The following CES5A variants were observed in gnomAD, a reference collection of about 807,000 sequenced individuals.
CES5A encodes carboxylesterase 5.
In CES5A, 67 loss-of-function variants were observed where a neutral mutation model predicts 62.9. That is an observed-to-expected ratio of 1.07 (90% confidence interval 0.88 to 1.31). CES5A has a LOEUF of 1.31. Among genes scored for constraint, CES5A ranks in the 50% most tolerant of loss-of-function variants. CES5A has a pLI of 0.00. For missense variants in CES5A, 748 were observed against 708.5 expected (o/e 1.06, Z -0.63); for synonymous variants, 296 against 280.8 (o/e 1.05, Z -0.54).
At chr16:55,929,229 C>T (rs1014265659), upstream of CES5A, among the ~76,000 whole-genome samples, 8 of 152,210 alleles carry the variant, frequency 5.3e-5, no homozygotes, top group African/African-American at 1.9e-4. Flanking sequence ...CGAGTCAGAC[C>T]ATGAGATGCT....
chr16:55,938,848 A>G (rs1438904120), intron 2 of CES5A, among the ~76,000 whole-genome samples: 1 of 140,814 alleles, frequency 7.1e-6, no homozygotes, highest in Non-Finnish European at 1.5e-5. Context: ...ACATATATAT[A>G]TGTAGATATG....
intron 1 of CES5A, among the ~76,000 whole-genome samples, chr16:55,889,973 G>C (rs547229999): frequency 1.3e-5 from 2 of 152,272 alleles, no homozygotes; most frequent in East Asian, 3.9e-4. Context: ...AAGCTTCTTA[G>C]AGCCTCTCAC....
intron 2 of CES5A, among the ~76,000 whole-genome samples, chr16:55,938,803 CATAT>C (rs201728343): frequency 1.1e-5 from 1 of 86,964 alleles, no homozygotes; most frequent in East Asian, 3.4e-4. Flanking sequence ...TATATACACA[CATAT>C]ATATATATAC....
intron 2 of CES5A, 87 bp downstream of exon 2, chr16:55,873,746 C>A: frequency 8.2e-7 from 1 of 1,223,976 alleles, no homozygotes; most frequent in Non-Finnish European, 1.2e-6. Context: ...CCATGCCAAT[C>A]CCTCTTCTTT....
rs770394640 is a variant in CES5A, at chr16:55,863,387, G to A, written c.771C>T (p.Ile257=). The change falls in exon 6 of 13, where the codon ATC becomes ATT. Residue 257 remains isoleucine (I), a synonymous_variant. Coordinates refer to ENST00000290567, the MANE Select transcript of CES5A (RefSeq NM_001143685.2). ...KAIMESGVAI[I]PYLEAHDYEK... ...CATAATCATGGGCCTCCAGGTAAGG[G>A]ATGATGGCCACCCCACTCTCCATGA... is the stretch of plus-strand genomic sequence containing the variant. The A allele has an allele frequency of 4.3e-5, 69 of 1,608,152 alleles. No homozygotes were observed. Among genetic ancestry groups the A allele is most frequent in the Non-Finnish European group, 5.8e-5 (68 of 1,175,144 alleles).
intron 6 of CES5A, among the ~76,000 whole-genome samples, chr16:55,862,813 G>T (rs2033379931): frequency 6.6e-6 from 1 of 152,134 alleles, no homozygotes; most frequent in Admixed American, 6.5e-5. Context: ...CAGGTATTAT[G>T]CTGGGGGCCT....
At chr16:55,866,929 G>T (rs2033477850) in intron 4 of CES5A, among the ~76,000 whole-genome samples, 3 of 152,062 alleles carry the variant, frequency 2.0e-5, no homozygotes, top group African/African-American at 7.2e-5. Flanking sequence ...GGGCTTTAAG[G>T]CTAATACTCC....
chr16:55,888,648 A>G (rs758095392), intron 1 of CES5A, among the ~76,000 whole-genome samples: 1 of 152,224 alleles, frequency 6.6e-6, no homozygotes, highest in African/African-American at 2.4e-5. Flanking sequence ...CGGGGAATCC[A>G]GACTAAGATT....
intron 2 of CES5A, among the ~76,000 whole-genome samples, chr16:55,934,094 G>A (rs547311646): frequency 3.3e-5 from 5 of 152,152 alleles, no homozygotes; most frequent in African/African-American, 9.6e-5. Context: ...CTTTATAGTG[G>A]GGTTTCCTTG....
At chr16:55,884,443 G>T (rs1318999667) in intron 1 of CES5A, among the ~76,000 whole-genome samples, 1 of 152,136 alleles carries the variant, frequency 6.6e-6, no homozygotes, top group African/African-American at 2.4e-5. Flanking sequence ...CTGCCTTCTG[G>T]CACTTAAGTG....
chr16:55,875,330 C>T lies in CES5A; in HGVS notation c.-109G>A, dbSNP rs1394323564. Reference sequence around the variant, plus strand: ...TGTTAACAGGCAAATGCTGAATAGGCAGGCAGAGGCAGCAGAGTTACTGAA... The same window carrying T: ...TGTTAACAGGCAAATGCTGAATAGGTAGGCAGAGGCAGCAGAGTTACTGAA... On this transcript the variant is annotated 5_prime_UTR_variant, in exon 1 of 13. Coordinates refer to ENST00000290567, the MANE Select transcript of CES5A (RefSeq NM_001143685.2). The T allele has an allele frequency of 7.9e-6, 12 of 1,514,642 alleles. No homozygotes were observed. The highest frequency in any genetic ancestry group is 1.1e-5 in the Non-Finnish European group (12 of 1,135,962). 93.8% of individuals were successfully genotyped at this position (1,514,642 alleles called of 1,614,324 possible).
chr16:55,948,055 C>CA (rs1185881030), intron 2 of CES5A, among the ~76,000 whole-genome samples: 52 of 145,116 alleles, frequency 3.6e-4, no homozygotes, highest in South Asian at 2.7e-3. Context: ...TGGTATAAAC[C>CA]AAAAAAAAAG....
At chr16:55,952,782 C>T (rs79859283) in intron 1 of CES5A, among the ~76,000 whole-genome samples, 33,935 of 151,984 alleles carry the variant, frequency 0.22, 5,002 homozygotes, top group Non-Finnish European at 0.33. Flanking sequence ...TTAAGATCTA[C>T]CCCCACTAAA....
chr16:55,933,042 T>C (rs1460586542), intron 2 of CES5A, among the ~76,000 whole-genome samples: 2 of 152,206 alleles, frequency 1.3e-5, no homozygotes, highest in African/African-American at 4.8e-5. Context: ...CATACAGAGT[T>C]TATTTTTTGC....
intron 1 of CES5A, among the ~76,000 whole-genome samples, chr16:55,920,639 C>T (rs973259512): frequency 6.6e-6 from 1 of 152,130 alleles, no homozygotes; most frequent in Admixed American, 6.5e-5. Context: ...TAAACAAATA[C>T]ATCCAATAAA....
At chr16:55,873,710 A>G in intron 2 of CES5A, 123 bp downstream of exon 2, 3 of 890,032 alleles carry the variant, frequency 3.4e-6, no homozygotes, top group Non-Finnish European at 5.2e-6. Flanking sequence ...CCGAGTCTCA[A>G]GCCCTCTCTC....
intron 6 of CES5A, among the ~76,000 whole-genome samples, chr16:55,862,375 C>T (rs1170672079): frequency 6.6e-6 from 1 of 152,134 alleles, no homozygotes; most frequent in Non-Finnish European, 1.5e-5. Context: ...CCAAACCTAT[C>T]CATGGATTGC....
chr16:55,921,414 A>T lies in CES5A; in HGVS notation c.-256+3909T>A, dbSNP rs188018517. 2.6e-5 allele frequency among the ~76,000 whole-genome samples: 4 copies of T among 152,230 alleles called. No individual in the cohort carries two copies. The East Asian group carries it at 7.7e-4, about 29-fold the overall frequency. ...AAGGAGCCTCAATTTGTCTAGCAAC[A>T]GACTTCTCAATGGAAATCATACAGG... On this transcript the variant is annotated intron_variant, in intron 1 of 12. Transcript: ENST00000518005.
At chr16:55,905,722 G>A (rs1290171975) in intron 1 of CES5A, among the ~76,000 whole-genome samples, 1 of 152,112 alleles carries the variant, frequency 6.6e-6, no homozygotes, top group Non-Finnish European at 1.5e-5. Flanking sequence ...GTTTCCCCAG[G>A]AAAACACTGT....
Sources: gnomAD v4.1 joint callset for allele counts (sites outside exome capture counted in the v4.1 genomes callset) on GRCh38, gnomAD v4.1.1 for gene constraint, MANE v1.5 for transcripts, NCBI Gene and HGNC (gene_info 2026-07-23, HGNC 2026-07-21) for gene names.